Variants in RBFOX1 observed in about 807,000 individuals in gnomAD.
RBFOX1 encodes the protein RNA binding fox-1 homolog 1, also known as RNA binding protein fox-1 homolog 1.
A neutral mutation model predicts 57.7 loss-of-function variants in RBFOX1; 8 were observed. That is an observed-to-expected ratio of 0.14 (90% CI 0.08 to 0.25). The LOEUF is 0.25. RBFOX1 is among the 10% of genes least tolerant of loss of function. The probability of loss-of-function intolerance (pLI) is 1.00; values close to 1 mark genes in which losing one functional copy is unlikely to be tolerated. For synonymous variants in RBFOX1, 326 were observed against 222.4 expected, an observed-to-expected ratio of 1.47 and a Z score of -4.15; for missense variants, 611 against 548.5, an observed-to-expected ratio of 1.11 and a Z score of -1.14.
intron 3 of RBFOX1, among the ~76,000 whole-genome samples, chr16:5,735,486 C>A (rs941573500): frequency 3.7e-4 from 56 of 152,198 alleles, no homozygotes; most frequent in African/African-American, 1.3e-3. Context: ...TTGCCATGCC[C>A]CACCCTTCAG....
intron 9 of RBFOX1, among the ~76,000 whole-genome samples, chr16:7,601,210 C>G (rs1440242219): frequency 6.6e-6 from 1 of 152,208 alleles, no homozygotes; most frequent in Admixed American, 6.5e-5. Context: ...CTTCCATTCA[C>G]TGGCTCTTGA....
chr16:6,257,586 T>C (rs571138575), intron 1 of RBFOX1, among the ~76,000 whole-genome samples: 1 of 152,228 alleles, frequency 6.6e-6, no homozygotes, highest in African/African-American at 2.4e-5. Flanking sequence ...TCCTCCACCC[T>C]GAAGTAGACA....
chr16:5,828,986 A>G (rs1335605155), intron 3 of RBFOX1, among the ~76,000 whole-genome samples: 2 of 152,170 alleles, frequency 1.3e-5, no homozygotes, highest in African/African-American at 4.8e-5. Flanking sequence ...CACAGGCTGC[A>G]GTTGAAGTGT....
Position 6,432,630 on chromosome 16 carries a change from C to T in RBFOX1, c.-64+115573C>T, listed in dbSNP as rs181939221. 4.4e-3 allele frequency among the ~76,000 whole-genome samples: 666 copies of T among 151,938 alleles called. 7 individuals carry two copies. The Middle Eastern group carries it at 0.045, about 10-fold the overall frequency. ...CCAGGAGGCGGAGGTTGCAGTGAGCCGAGATCGCAGCACTGCATTCCAGGC... is the reference window on the plus strand; with the variant it reads ...CCAGGAGGCGGAGGTTGCAGTGAGCTGAGATCGCAGCACTGCATTCCAGGC... On this transcript the variant is annotated intron_variant, in intron 2 of 15. Transcript: ENST00000550418.
intron 3 of RBFOX1, among the ~76,000 whole-genome samples, chr16:5,833,161 C>A (rs1472289091): frequency 6.6e-6 from 1 of 152,162 alleles, no homozygotes; most frequent in African/African-American, 2.4e-5. Context: ...AAAGTGACAT[C>A]TCCTCCTAAT....
intron 2 of RBFOX1, among the ~76,000 whole-genome samples, chr16:6,650,142 C>A (rs1176344270): frequency 6.6e-6 from 1 of 152,174 alleles, no homozygotes; most frequent in Non-Finnish European, 1.5e-5. Flanking sequence ...GAGAAGCCTC[C>A]ACACCGTTTT....
At chr16:7,602,882 A>G (rs1010831829) in intron 9 of RBFOX1, among the ~76,000 whole-genome samples, 2 of 152,252 alleles carry the variant, frequency 1.3e-5, no homozygotes, top group African/African-American at 4.8e-5. Flanking sequence ...AACTATATCA[A>G]GTATTTTCTT....
intron 4 of RBFOX1, among the ~76,000 whole-genome samples, chr16:7,072,042 C>G (rs935000159): frequency 2.6e-5 from 4 of 152,166 alleles, no homozygotes; most frequent in Non-Finnish European, 4.4e-5. Flanking sequence ...GATTTCTAAA[C>G]TAGATTATTT....
intron 4 of RBFOX1, among the ~76,000 whole-genome samples, chr16:7,280,182 C>T (rs1218716661): frequency 1.3e-5 from 2 of 152,216 alleles, no homozygotes; most frequent in Admixed American, 1.3e-4. Flanking sequence ...CGATGTACAC[C>T]TTGACTAAAT....
At chr16:6,222,684 TTTATTATTA>T (rs57108959) in intron 1 of RBFOX1, among the ~76,000 whole-genome samples, 2,524 of 141,314 alleles carry the variant, frequency 0.018, 42 homozygotes, top group East Asian at 0.02. Flanking sequence ...TTTCTTTTCT[TTTATTATTA>T]TTATTATTAT....
intron 2 of RBFOX1, among the ~76,000 whole-genome samples, chr16:5,535,444 AT>A (rs769832398): frequency 3.9e-5 from 6 of 152,218 alleles, no homozygotes; most frequent in Non-Finnish European, 8.8e-5. Context: ...AGTGACAGGC[AT>A]TCTGATTCCA....
intron 4 of RBFOX1, among the ~76,000 whole-genome samples, chr16:7,076,117 C>G (rs1190462286): frequency 6.6e-6 from 1 of 151,412 alleles, no homozygotes; most frequent in Non-Finnish European, 1.5e-5. Flanking sequence ...TCTCGGCTCA[C>G]TGCAACCTCT....
At chr16:6,806,773 C>CT (rs1270965437) in intron 3 of RBFOX1, among the ~76,000 whole-genome samples, 1 of 116,590 alleles carries the variant, frequency 8.6e-6, no homozygotes, top group Non-Finnish European at 1.9e-5. Context: ...TTCTTTGTTT[C>CT]TTTTTCTCTT....
At chr16:5,309,443 T>A (rs1249806124) in intron 1 of RBFOX1, among the ~76,000 whole-genome samples, 1 of 152,206 alleles carries the variant, frequency 6.6e-6, no homozygotes, top group Non-Finnish European at 1.5e-5. Flanking sequence ...ATCCTGAAGT[T>A]TACCTAGAGG....
intron 4 of RBFOX1, among the ~76,000 whole-genome samples, chr16:7,254,613 ACTT>A (rs2094606739): frequency 1.3e-5 from 2 of 152,032 alleles, no homozygotes; most frequent in South Asian, 4.2e-4. Context: ...CTCTGTTGCT[ACTT>A]AAAAGAGGAA....
chr16:6,013,350 C>G (rs1567257570), intron 4 of RBFOX1, among the ~76,000 whole-genome samples: 1 of 152,174 alleles, frequency 6.6e-6, no homozygotes, highest in Admixed American at 6.5e-5. Context: ...TGATGAAGCT[C>G]AAAATATTTG....
intron 4 of RBFOX1, among the ~76,000 whole-genome samples, chr16:5,950,230 A>G (rs74380153): frequency 0.12 from 18,254 of 152,238 alleles, 1,308 homozygotes; most frequent in East Asian, 0.16. Flanking sequence ...AGACAGCAGA[A>G]CATTCACTAA....
At chr16:7,693,122 C>T (rs1435283053) in intron 14 of RBFOX1, among the ~76,000 whole-genome samples, 1 of 152,002 alleles carries the variant, frequency 6.6e-6, no homozygotes, top group Non-Finnish European at 1.5e-5. Flanking sequence ...CTGACATTAC[C>T]ATGACTTTAA....
rs1306117297 is a variant in RBFOX1 at position 6,468,862 on chromosome 16, A to G, written c.-64+151805A>G. Among the ~76,000 whole-genome samples the G allele has an allele frequency of 2.0e-5, 3 of 151,968 alleles. No individual in the cohort carries two copies. In the East Asian group the frequency reaches 5.8e-4, roughly 29 times the overall value. On this transcript the variant is annotated intron_variant, in intron 2 of 15. Transcript: ENST00000550418. ...AGGTAAACTTGTGTCATGGGGGTTC[A>G]TTGTACAGATTATTTCATCACCCAG...
Sources: allele counts gnomAD v4.1 joint callset (sites outside exome capture counted in the v4.1 genomes callset), GRCh38; gene constraint gnomAD v4.1.1; transcripts MANE v1.5; gene names NCBI Gene and HGNC (gene_info 2026-07-23, HGNC 2026-07-21).